The following MALRD1 variants were observed in gnomAD, a reference collection of about 807,000 sequenced individuals.
MALRD1 encodes MAM and LDL receptor class A domain containing 1, also known as MAM and LDL-receptor class A domain-containing protein 1.
A neutral mutation model predicts 242.1 loss-of-function variants in MALRD1; 247 were observed. The ratio of observed to expected loss-of-function variants is 1.02; its 90% CI spans 0.92 to 1.13. The LOEUF is 1.13. Ranked by LOEUF, MALRD1 falls within the 50% of genes most tolerant of loss-of-function variation. The pLI, the probability that MALRD1 is intolerant of heterozygous loss-of-function variation, is 0.00. For missense variants in MALRD1, 2,989 were observed against 2,533.1 expected, an observed-to-expected ratio of 1.18 and a Z score of -3.86; for synonymous variants, 995 against 866.6, an observed-to-expected ratio of 1.15 and a Z score of -2.60.
intron 31 of MALRD1, among the ~76,000 whole-genome samples, chr10:19,501,332 CTCTT>C (rs1176109404): frequency 6.6e-6 from 1 of 152,152 alleles, no homozygotes; most frequent in Non-Finnish European, 1.5e-5. Flanking sequence ...GGAAGCACTC[CTCTT>C]TCTAATTATA....
Position 19,331,567 on chromosome 10 carries a change from A to C in MALRD1, c.3886A>C (p.Thr1296Pro). The C allele has an allele frequency of 6.5e-7, 1 of 1,550,106 alleles. No individual in the cohort carries two copies. The highest frequency in any genetic ancestry group is 1.7e-4 in the Middle Eastern group (1 of 5,984). Residue 1296 changes from threonine to proline, a missense_variant, in exon 24 of 40, where the codon ACT becomes CCT. Thr to Pro is a conservative substitution (Grantham distance 38, BLOSUM62 -1). Transcript: ENST00000454679. ...TGATTGTGCTGATAATTCAGATGAGACTACTTTCATTTGCCGTAAGTAAAA... is the reference window on the plus strand; with the variant it reads ...TGATTGTGCTGATAATTCAGATGAGCCTACTTTCATTTGCCGTAAGTAAAA... ...VNDCADNSDE[T>P]TFICRTSSGR...
At chr10:19,509,633 C>T (rs566294695) in intron 31 of MALRD1, among the ~76,000 whole-genome samples, 23 of 152,224 alleles carry the variant, frequency 1.5e-4, no homozygotes, top group African/African-American at 4.3e-4. Context: ...GGTACAGTAT[C>T]GAGTCAGCTG....
chr10:19,428,507 T>A (rs1217225094), intron 28 of MALRD1, among the ~76,000 whole-genome samples: 1 of 152,122 alleles, frequency 6.6e-6, no homozygotes, highest in Non-Finnish European at 1.5e-5. Context: ...CCTCTTCTTT[T>A]CCTTCATAAA....
intron 33 of MALRD1, among the ~76,000 whole-genome samples, chr10:19,568,691 A>G (rs73595845): frequency 3.7e-3 from 309 of 83,816 alleles, no homozygotes; most frequent in African/African-American, 8.3e-3. Context: ...TAAGAAAAAA[A>G]TATATATTCT....
In MALRD1 at chr10:19,337,142, ATATGTGTG is replaced by A. The variant is rs1348833803; in HGVS notation, c.3901+5568_3901+5575del. Reference sequence around the variant, plus strand: ...TATATGTAAGTAAACTTTCATATACATATGTGTGTATGTGTATATGTACATACTTAACA... The same window carrying A: ...TATATGTAAGTAAACTTTCATATACATATGTGTATATGTACATACTTAACA... On this transcript the variant is annotated intron_variant, in intron 24 of 39. Coordinates refer to ENST00000454679, the MANE Select transcript of MALRD1 (RefSeq NM_001142308.3). Among the ~76,000 whole-genome samples, 4 of 152,002 alleles carry A rather than the reference ATATGTGTG, an allele frequency of 2.6e-5. No individual in the cohort carries two copies. The East Asian group carries it at 7.7e-4, about 29-fold the overall frequency.
chr10:19,132,070 T>C (rs1239648171), intron 8 of MALRD1, among the ~76,000 whole-genome samples: 1 of 152,160 alleles, frequency 6.6e-6, no homozygotes. Flanking sequence ...TGAAAAACCA[T>C]TTAAGTTTGG....
At chr10:19,196,738 T>A (rs1836278415) in intron 14 of MALRD1, among the ~76,000 whole-genome samples, 1 of 152,072 alleles carries the variant, frequency 6.6e-6, no homozygotes, top group South Asian at 2.1e-4. Context: ...CTCAACCACC[T>A]CCAAACCTGC....
intron 10 of MALRD1, among the ~76,000 whole-genome samples, chr10:19,142,405 T>C (rs1833582632): frequency 6.6e-6 from 1 of 152,140 alleles, no homozygotes; most frequent in Non-Finnish European, 1.5e-5. Context: ...AGAGAGCTGA[T>C]TAACTTCTAG....
intron 4 of MALRD1, among the ~76,000 whole-genome samples, chr10:19,097,559 G>A (rs1836087580): frequency 6.6e-6 from 1 of 152,186 alleles, no homozygotes; most frequent in Non-Finnish European, 1.5e-5. Flanking sequence ...TAAACATACA[G>A]TAGAAATGTA....
intron 38 of MALRD1, among the ~76,000 whole-genome samples, chr10:19,700,021 GACACACACACACACACACACACACAC>G (rs58040272): frequency 7.1e-6 from 1 of 141,190 alleles, no homozygotes; most frequent in Non-Finnish European, 1.6e-5. Flanking sequence ...AATTGATTTA[GACACACACACACACACACACACACAC>G]ACACACACAC....
At chr10:19,552,233 G>C (rs990600163) in intron 32 of MALRD1, among the ~76,000 whole-genome samples, 2 of 151,906 alleles carry the variant, frequency 1.3e-5, no homozygotes, top group African/African-American at 4.8e-5. Flanking sequence ...GGATTTTTTG[G>C]TTGGTAGGCT....
chr10:19,335,613 T>C (rs1268889240), intron 24 of MALRD1, among the ~76,000 whole-genome samples: 1 of 152,126 alleles, frequency 6.6e-6, no homozygotes, highest in African/African-American at 2.4e-5. Context: ...ACCAACCATG[T>C]ATTTGGGTTT....
At position 19,588,703 on chromosome 10, in the gene MALRD1, C is replaced by T. The variant is rs532845903; in HGVS notation, c.5681-6491C>T. 5.3e-5 allele frequency among the ~76,000 whole-genome samples: 8 copies of T among 152,300 alleles called. No homozygotes were observed. The South Asian group carries it at 1.0e-3, about 20-fold the overall frequency. ...TGTCGCCCAGGCTGGAATGCAATGGCGCAACCTCTGCTCACTGCAACCTCC... is the reference window on the plus strand; with the variant it reads ...TGTCGCCCAGGCTGGAATGCAATGGTGCAACCTCTGCTCACTGCAACCTCC... On this transcript the variant is annotated intron_variant, in intron 33 of 39. Transcript: ENST00000454679.
intron 13 of MALRD1, among the ~76,000 whole-genome samples, chr10:19,172,520 T>G (rs1465042700): frequency 2.0e-5 from 3 of 151,698 alleles, no homozygotes; most frequent in Non-Finnish European, 4.4e-5. Context: ...AGGAACCTGG[T>G]GGGTCCCTTC....
At chr10:19,268,026 T>C (rs1428360475) in intron 19 of MALRD1, among the ~76,000 whole-genome samples, 4 of 152,160 alleles carry the variant, frequency 2.6e-5, no homozygotes, top group African/African-American at 7.2e-5. Context: ...AACTTTTACA[T>C]TGTTTCACAT....
intron 20 of MALRD1, among the ~76,000 whole-genome samples, chr10:19,282,418 TTC>T (rs1286673262): frequency 6.6e-6 from 1 of 152,180 alleles, no homozygotes. Flanking sequence ...GAATGAATAT[TTC>T]TTTTTTATTC....
At chr10:19,252,036 C>A (rs1450787396) in intron 18 of MALRD1, among the ~76,000 whole-genome samples, 1 of 152,040 alleles carries the variant, frequency 6.6e-6, no homozygotes, top group Non-Finnish European at 1.5e-5. Context: ...GGCTGTGGAA[C>A]TGTGAGTCAA....
chr10:19,246,679 C>T (rs976242533), intron 18 of MALRD1, among the ~76,000 whole-genome samples: 1 of 152,030 alleles, frequency 6.6e-6, no homozygotes, highest in Non-Finnish European at 1.5e-5. Flanking sequence ...AATATTTACC[C>T]CAGGCATAAC....
At chr10:19,185,012 A>C (rs527896171) in intron 14 of MALRD1, among the ~76,000 whole-genome samples, 1 of 152,228 alleles carries the variant, frequency 6.6e-6, no homozygotes, top group East Asian at 1.9e-4. Flanking sequence ...AATACTATTT[A>C]TAAGTTCCTA....
Sources: allele counts gnomAD v4.1 joint callset (sites outside exome capture counted in the v4.1 genomes callset), GRCh38; gene constraint gnomAD v4.1.1; transcripts MANE v1.5; gene names NCBI Gene and HGNC (gene_info 2026-07-23, HGNC 2026-07-21).